The following MAPK8IP3 variants were observed in gnomAD, a reference collection of about 807,000 sequenced individuals.
MAPK8IP3 encodes C-Jun-amino-terminal kinase-interacting protein 3.
MAPK8IP3 carries 49 observed loss-of-function variants against 157.8 expected under a neutral mutation model. The ratio of observed to expected loss-of-function variants is 0.31; its 90% CI spans 0.25 to 0.39. The LOEUF is 0.39. Ranked by LOEUF, MAPK8IP3 falls within the 10% of genes least tolerant of loss-of-function variation. The probability of loss-of-function intolerance (pLI) is 1.00; values close to 1 mark genes in which losing one functional copy is unlikely to be tolerated. For missense variants in MAPK8IP3, 1,478 were observed against 1,889.4 expected (o/e 0.78, Z 4.04); for synonymous variants, 897 against 777.7 (o/e 1.15, Z -2.55).
At chr16:1,744,103 CAG>C in intron 5 of MAPK8IP3, 3 of 986,126 alleles carry the variant, frequency 3.0e-6, no homozygotes, top group Non-Finnish European at 3.6e-6. Flanking sequence ...CCTCAGAGCA[CAG>C]GGGCCCAGAG....
chr16:1,729,641 C>G, intron 4 of MAPK8IP3, 63 bp downstream of exon 4: 5 of 1,442,206 alleles, frequency 3.5e-6, no homozygotes, highest in Non-Finnish European at 3.8e-6. Flanking sequence ...ACGCAGGACG[C>G]GGCACATGCC....
intron 1 of MAPK8IP3, among the ~76,000 whole-genome samples, chr16:1,715,816 C>T (rs1238608477): frequency 3.3e-5 from 5 of 151,824 alleles, no homozygotes; most frequent in Non-Finnish European, 2.9e-5. Context: ...GCAAGCTCTG[C>T]CTCCCGGGTT....
At chr16:1,725,541 C>T (rs918247025) in intron 2 of MAPK8IP3, among the ~76,000 whole-genome samples, 1 of 151,266 alleles carries the variant, frequency 6.6e-6, no homozygotes, top group East Asian at 2.0e-4. Context: ...GCAGGAAGAT[C>T]GCTTGAACCC....
chr16:1,706,748 C>A lies in MAPK8IP3; in HGVS notation c.318+91C>A. On this transcript the variant is annotated intron_variant, in intron 1 of 31. Coordinates refer to ENST00000610761, the MANE Select transcript of MAPK8IP3 (RefSeq NM_001318852.2). The surrounding 1 kb of genome is among the most constrained non-coding windows in gnomAD (Gnocchi z 5.1). ...CCCAACACCCGTCCCGACCCCAGAC[C>A]CCGCTCCGGCACCCCGGACCGCGGG... 7.4e-7 allele frequency: 1 copy of A among 1,346,638 alleles called. No homozygotes were observed. Among genetic ancestry groups the A allele is most frequent in the African/African-American group, 1.5e-5 (1 of 66,314 alleles). The allele number at this position is 1,346,638 out of a possible 1,614,324, so 83.4% of individuals were successfully genotyped here.
intron 1 of MAPK8IP3, among the ~76,000 whole-genome samples, chr16:1,709,527 C>T (rs988457805): frequency 2.0e-5 from 3 of 152,270 alleles, no homozygotes; most frequent in Admixed American, 6.5e-5. Context: ...TCAGGGCCGC[C>T]GTGGACGGCA....
intron 5 of MAPK8IP3, chr16:1,746,793 G>T: frequency 1.8e-6 from 1 of 564,436 alleles, no homozygotes; most frequent in Non-Finnish European, 3.1e-6. Context: ...GCCATTTCAG[G>T]AGGGTGGCCC....
chr16:1,762,538 G>T, intron 14 of MAPK8IP3, 57 bp downstream of exon 14: 1 of 1,602,162 alleles, frequency 6.2e-7, no homozygotes, highest in South Asian at 1.1e-5. Context: ...CGGCAGGACT[G>T]CGGCTCCCTC....
rs531616844 is a variant in MAPK8IP3, at chr16:1,768,902, G to A, written c.*78G>A. On this transcript the variant is annotated 3_prime_UTR_variant, in exon 32 of 32. Coordinates refer to ENST00000610761, the MANE Select transcript of MAPK8IP3 (RefSeq NM_001318852.2). The stretch of plus-strand genomic sequence containing the variant: ...CCCCGCCCGGCCCGCGGGGTAGCCA[G>A]CCAGGCGCCGCCGCCCCTCTTCTAA... 1.5e-4 allele frequency: 234 copies of A among 1,522,062 alleles called. No individual in the cohort carries two copies. In the African/African-American group the frequency reaches 2.9e-3, roughly 19 times the overall value. 94.3% of individuals were successfully genotyped at this position (1,522,062 alleles called of 1,614,324 possible).
At chr16:1,758,187 C>T (rs773259817) in intron 9 of MAPK8IP3, 28 bp downstream of exon 9, 6 of 1,613,010 alleles carry the variant, frequency 3.7e-6, no homozygotes, top group South Asian at 2.2e-5. Flanking sequence ...CTGTCTGTCT[C>T]CCCTCTGTGT....
chr16:1,765,941 G>A lies in MAPK8IP3; in HGVS notation c.2447-19G>A, dbSNP rs754610616. The A allele has an allele frequency of 5.4e-5, 86 of 1,598,628 alleles. No homozygotes were observed. The highest frequency in any genetic ancestry group is 6.7e-5 in the South Asian group (6 of 89,636). ...AGTGGGTTCCCCCGCACAGGCTGAC[G>A]GGCCGTCCCTCTCCCCAGCGGCCAG... On this transcript the variant is annotated intron_variant, in intron 20 of 31. Coordinates refer to ENST00000610761, the MANE Select transcript of MAPK8IP3 (RefSeq NM_001318852.2).
intron 1 of MAPK8IP3, among the ~76,000 whole-genome samples, chr16:1,716,531 G>A (rs2038161141): frequency 6.6e-6 from 1 of 151,740 alleles, no homozygotes; most frequent in African/African-American, 2.4e-5. Context: ...TCCTGACCTC[G>A]TGATCCTCCC....
At chr16:1,736,702 GCGTCCGTGTGAGCGTGTGAC>G (rs1596636126) in intron 4 of MAPK8IP3, among the ~76,000 whole-genome samples, 3 of 79,926 alleles carry the variant, frequency 3.8e-5, no homozygotes, top group Non-Finnish European at 7.3e-5. Context: ...GACCGTGTGA[GCGTCCGTGTGAGCGTGTGAC>G]CGTCCGTGTG....
At chr16:1,745,092 G>T (rs2040884975) in intron 5 of MAPK8IP3, 3 of 985,334 alleles carry the variant, frequency 3.0e-6, no homozygotes, top group Non-Finnish European at 3.6e-6. Context: ...AGGTTGAGAG[G>T]TTTGCCTTTA....
Position 1,706,562 on chromosome 16 carries a change from G to A in MAPK8IP3, c.223G>A (p.Glu75Lys). Residue 75 changes from glutamate (E) to lysine (K), a missense_variant, in exon 1 of 32, where the codon GAG becomes AAG. Around this residue, in one of 11 missense-constraint regions of MAPK8IP3, gnomAD observed 65 missense variants for 161.8 expected, o/e 0.40. Transcript: ENST00000610761. This position sits in a 1 kb window ranked among gnomAD's most constrained non-coding sequence, Gnocchi z 5.1. Reference protein sequence around the residue: ...NLDSVLSENQEHEVELELLRE... With the variant: ...NLDSVLSENQKHEVELELLRE... ...AGACTCGGTGCTCAGCGAGAACCAG[G>A]AGCACGAGGTGGAGCTGGAGCTGCT... 1 of 1,613,250 alleles carries A rather than the reference G, an allele frequency of 6.2e-7. No homozygotes were observed. The highest frequency in any genetic ancestry group is 8.5e-7 in the Non-Finnish European group (1 of 1,179,664).
At position 1,724,664 on chromosome 16, in the gene MAPK8IP3, C is replaced by T. The variant is rs369241042; in HGVS notation, c.426C>T (p.Asn142=). 3.7e-6 allele frequency: 6 copies of T among 1,613,070 alleles called. No homozygotes were observed. In the African/African-American group the frequency reaches 4.0e-5, roughly 11 times the overall value. The change falls in exon 2 of 32, where the codon AAC becomes AAT. Residue 142 remains asparagine, a synonymous_variant. Transcript: ENST00000610761. The surrounding 1 kb of genome is among the most constrained non-coding windows in gnomAD (Gnocchi z 4.1). Reference sequence around the variant, plus strand: ...GCCAGCTGGAGCTGAAGGCCAAGAACTATGCCGATCAGAGTAAGTGGCTGG... The same window carrying T: ...GCCAGCTGGAGCTGAAGGCCAAGAATTATGCCGATCAGAGTAAGTGGCTGG... ...QTRQLELKAK[N]YADQISRLEE... is the part of the protein sequence containing the mutation.
Position 1,751,507 on chromosome 16 carries a change from G to A in MAPK8IP3, c.1216+2787G>A, listed in dbSNP as rs927649217. On this transcript the variant is annotated intron_variant, in intron 8 of 31. Transcript: ENST00000610761. This position sits in a 1 kb window ranked among gnomAD's most constrained non-coding sequence, Gnocchi z 5.0. ...GAGGGTGAGATGACGGTGAGAGCTC[G>A]GACTTGAACGCAGGTCCCACCCAGA... 1 of 152,036 alleles carries A rather than the reference G, an allele frequency of 6.6e-6. No homozygotes were observed. The highest frequency in any genetic ancestry group is 2.4e-5 in the African/African-American group (1 of 41,380). The allele number at this position is 152,036 out of a possible 1,614,324, so 9.4% of individuals were successfully genotyped here. A position where few individuals can be genotyped will look rare whatever the true frequency, so the allele number is the denominator to read the frequency against.
At chr16:1,762,795 T>A (rs1256314920) in intron 15 of MAPK8IP3, 41 bp from the exon 16 acceptor site, 9 of 1,602,722 alleles carry the variant, frequency 5.6e-6, no homozygotes, top group Non-Finnish European at 7.7e-6. Flanking sequence ...GGAGGTTCCC[T>A]GGTCCTCTGC....
chr16:1,736,525 CGTCCGTGTG>C, intron 4 of MAPK8IP3, among the ~76,000 whole-genome samples: 1 of 39,734 alleles, frequency 2.5e-5, no homozygotes. Context: ...CGTGTGTGAC[CGTCCGTGTG>C]AGCATCCGTG....
chr16:1,744,776 T>C, intron 5 of MAPK8IP3: 5 of 985,502 alleles, frequency 5.1e-6, no homozygotes, highest in Non-Finnish European at 6.0e-6. Context: ...CTGCGTTGTC[T>C]GACATCGTCG....
Sources: gnomAD v4.1 joint callset for allele counts (sites outside exome capture counted in the v4.1 genomes callset) on GRCh38, gnomAD v4.1.1 for gene constraint, gnomAD v4.1.1 regional missense constraint, Gnocchi (gnomAD v3.1) non-coding constraint, MANE v1.5 for transcripts, NCBI Gene and HGNC (gene_info 2026-07-23, HGNC 2026-07-21) for gene names.